The following PDZRN3 variants were observed in gnomAD, a reference collection of about 807,000 sequenced individuals.
PDZRN3 encodes PDZ domain containing ring finger 3, also known as E3 ubiquitin-protein ligase PDZRN3.
PDZRN3 carries 38 observed loss-of-function variants against 85.7 expected under a neutral mutation model. The ratio of observed to expected loss-of-function variants is 0.44; its 90% CI spans 0.34 to 0.58. The LOEUF is 0.58. PDZRN3 is among the 20% of genes least tolerant of loss of function. PDZRN3 has a pLI of 0.01. For missense variants in PDZRN3, 1,629 were observed against 1,506.4 expected (o/e 1.08, Z -1.35); for synonymous variants, 759 against 638.0 (o/e 1.19, Z -2.86).
intron 3 of PDZRN3, among the ~76,000 whole-genome samples, chr3:73,523,804 T>C (rs1349043956): frequency 6.6e-6 from 1 of 152,162 alleles, no homozygotes; most frequent in East Asian, 1.9e-4. Flanking sequence ...TGGCCACTGC[T>C]TTCTGGAAGC....
At position 73,383,151 on chromosome 3, in the gene PDZRN3, T is replaced by G. The variant is rs1703282338; in HGVS notation, c.*214A>C. 2 of 483,560 alleles carry G rather than the reference T, an allele frequency of 4.1e-6. No homozygotes were observed. Among genetic ancestry groups the G allele is most frequent in the South Asian group, 4.7e-5 (1 of 21,346 alleles). 30.0% of individuals were successfully genotyped at this position (483,560 alleles called of 1,614,324 possible). On this transcript the variant is annotated 3_prime_UTR_variant, in exon 10 of 10. Transcript: ENST00000263666. ...ATTGCTATTTGAAAAAAGCTCTGTT[T>G]GTTAATATTGCCTTCCAAGATAGTA... is the stretch of plus-strand genomic sequence containing the variant.
intron 3 of PDZRN3, among the ~76,000 whole-genome samples, chr3:73,500,224 T>C (rs1363205478): frequency 3.9e-5 from 6 of 152,116 alleles, no homozygotes; most frequent in African/African-American, 1.4e-4. Context: ...AATTTTTAAA[T>C]TTTTTGTACA....
At position 73,506,320 on chromosome 3, in the gene PDZRN3, G is replaced by A. The variant is rs555922485; in HGVS notation, c.918+96034C>T. Among the ~76,000 whole-genome samples the A allele has an allele frequency of 5.9e-5, 9 of 152,190 alleles. 1 individual carries two copies. The South Asian group carries it at 1.9e-3, about 32-fold the overall frequency. On this transcript the variant is annotated intron_variant, in intron 3 of 9. Transcript: ENST00000263666. ...TAATGATTGGCATCTCCCAGTCTCA[G>A]GAAAAGGCAAACCATATTCAGGGAA...
At chr3:73,529,372 T>A (rs1328742749) in intron 3 of PDZRN3, among the ~76,000 whole-genome samples, 2 of 152,238 alleles carry the variant, frequency 1.3e-5, no homozygotes, top group Non-Finnish European at 2.9e-5. Context: ...CACCTGCCTC[T>A]ATCCAGGGCT....
chr3:73,624,241 C>T lies in PDZRN3; in HGVS notation c.585G>A (p.Glu195=). The T allele has an allele frequency of 2.0e-6, 3 of 1,469,690 alleles. No homozygotes were observed. Among genetic ancestry groups the T allele is most frequent in the Non-Finnish European group, 2.7e-6 (3 of 1,116,490 alleles). The allele number at this position is 1,469,690 out of a possible 1,614,324, so 91.0% of individuals were successfully genotyped here. A position where few individuals can be genotyped will look rare whatever the true frequency, so the allele number is the denominator to read the frequency against. ...CGGCCAGCTGGGCCACCAGCGACTT[C>T]TCGCGCTTCCCAGCGCGCAGCGCCT... ...KKEALRAGKR[E]KSLVAQLAAA... Residue 195 remains glutamate (E), a synonymous_variant, in exon 1 of 10, where the codon GAG becomes GAA. Coordinates refer to ENST00000263666, the MANE Select transcript of PDZRN3 (RefSeq NM_015009.3).
chr3:73,578,073 G>A (rs1575747821), intron 3 of PDZRN3, among the ~76,000 whole-genome samples: 1 of 151,914 alleles, frequency 6.6e-6, no homozygotes, highest in East Asian at 1.9e-4. Context: ...CTTGAAAATC[G>A]TCCTTTTACT....
chr3:73,400,410 AATAAC>A (rs1194467024), intron 5 of PDZRN3, among the ~76,000 whole-genome samples: 1 of 152,172 alleles, frequency 6.6e-6, no homozygotes, highest in Non-Finnish European at 1.5e-5. Context: ...TGTGGCCTCA[AATAAC>A]ACTTAAGAAG....
chr3:73,414,709 C>A (rs974534341), intron 3 of PDZRN3, among the ~76,000 whole-genome samples: 2 of 152,166 alleles, frequency 1.3e-5, no homozygotes, highest in Non-Finnish European at 2.9e-5. Context: ...ATAGAATGGG[C>A]TATTTTTTCT....
chr3:73,618,470 A>G (rs1383522227), intron 1 of PDZRN3, among the ~76,000 whole-genome samples: 1 of 152,196 alleles, frequency 6.6e-6, no homozygotes, highest in African/African-American at 2.4e-5. Context: ...TTAATCTTTC[A>G]TAATCTGCTA....
chr3:73,612,209 C>G (rs1702696237), intron 1 of PDZRN3, among the ~76,000 whole-genome samples: 1 of 152,162 alleles, frequency 6.6e-6, no homozygotes, highest in Admixed American at 6.5e-5. Context: ...TATCAATGCT[C>G]TAAACCTGGA....
intron 3 of PDZRN3, among the ~76,000 whole-genome samples, chr3:73,495,679 T>C (rs1281987636): frequency 2.0e-5 from 2 of 101,244 alleles, no homozygotes; most frequent in African/African-American, 5.5e-5. Context: ...TTTACACACA[T>C]AAGGCTAGAA....
rs1284539417 is a variant in PDZRN3, at chr3:73,602,347, C to G, written c.918+7G>C. On this transcript the variant is annotated splice_region_variant and intron_variant, in intron 3 of 9. Transcript: ENST00000263666. ...CTATTCAAAGACACTGGCCAGTATT[C>G]ACATACCTCAATAATCCTGTCATGA... The G allele has an allele frequency of 1.4e-6, 2 of 1,465,760 alleles. No individual in the cohort carries two copies. The highest frequency in any genetic ancestry group is 2.3e-5 in the East Asian group (1 of 44,210). The allele number at this position is 1,465,760 out of a possible 1,614,324, so 90.8% of individuals were successfully genotyped here.
intron 2 of PDZRN3, among the ~76,000 whole-genome samples, chr3:73,604,802 A>G (rs369873608): frequency 1.6e-4 from 24 of 152,370 alleles, no homozygotes; most frequent in East Asian, 1.4e-3. Context: ...CACATTGCAC[A>G]TAAGTAATAA....
At position 73,389,857 on chromosome 3, in the gene PDZRN3, C is replaced by A; in HGVS notation, c.1375G>T (p.Ala459Ser). 6.2e-7 allele frequency: 1 copy of A among 1,613,860 alleles called. No individual in the cohort carries two copies. Among genetic ancestry groups the A allele is most frequent in the Non-Finnish European group, 8.5e-7 (1 of 1,179,742 alleles). ...ISEIDPNSIA[A>S]KDGRIREGDR... ...CCTTCTCGGATGCGCCCATCCTTGG[C>A]TGCAATGCTGTTAGGGTCAATCTGA... Residue 459 changes from alanine (A) to serine (S), a missense_variant, in exon 7 of 10, where the codon GCC becomes TCC. Physicochemically the swap from Ala to Ser is moderately conservative, Grantham distance 99. Transcript: ENST00000263666.
chr3:73,400,335 T>C (rs1327888478), intron 5 of PDZRN3, among the ~76,000 whole-genome samples: 1 of 152,250 alleles, frequency 6.6e-6, no homozygotes, highest in Non-Finnish European at 1.5e-5. Context: ...TGGTGTCCTC[T>C]AAATATTTTA....
At chr3:73,489,675 C>G (rs1257227020) in intron 3 of PDZRN3, among the ~76,000 whole-genome samples, 3 of 146,132 alleles carry the variant, frequency 2.1e-5, no homozygotes, top group Non-Finnish European at 4.4e-5. Flanking sequence ...TCGGTTCAAG[C>G]GATTCTCCTG....
chr3:73,564,029 G>A (rs1701893313), intron 3 of PDZRN3, among the ~76,000 whole-genome samples: 1 of 152,160 alleles, frequency 6.6e-6, no homozygotes, highest in Non-Finnish European at 1.5e-5. Flanking sequence ...GCTGCTGTGA[G>A]CACGGTTGCT....
chr3:73,619,540 C>G (rs1049107197), intron 1 of PDZRN3, among the ~76,000 whole-genome samples: 1 of 152,036 alleles, frequency 6.6e-6, no homozygotes, highest in Non-Finnish European at 1.5e-5. Context: ...AGGCTGTGGG[C>G]AAGAGGAGAG....
chr3:73,599,363 T>G (rs1297646305), intron 3 of PDZRN3, among the ~76,000 whole-genome samples: 4 of 152,182 alleles, frequency 2.6e-5, no homozygotes, highest in Non-Finnish European at 5.9e-5. Flanking sequence ...AAATACTACA[T>G]GATTCCGTTT....
Sources: gnomAD v4.1 joint callset for allele counts (sites outside exome capture counted in the v4.1 genomes callset) on GRCh38, gnomAD v4.1.1 for gene constraint, MANE v1.5 for transcripts, NCBI Gene and HGNC (gene_info 2026-07-23, HGNC 2026-07-21) for gene names.